Variants in MAEL observed in about 807,000 individuals in gnomAD.
MAEL encodes protein maelstrom homolog.
MAEL carries 46 observed loss-of-function variants against 62.0 expected under a neutral mutation model. The observed-to-expected ratio is 0.74, with a 90% CI of 0.59 to 0.95. MAEL has a LOEUF of 0.95. Ranked by LOEUF, MAEL falls within the 40% of genes least tolerant of loss-of-function variation. MAEL has a pLI of 0.00. For missense variants in MAEL, 497 were observed against 526.8 expected (o/e 0.94, Z 0.55); for synonymous variants, 172 against 175.5 (o/e 0.98, Z 0.16).
intron 5 of MAEL, among the ~76,000 whole-genome samples, chr1:166,995,351 C>T (rs560512592): frequency 1.6e-3 from 236 of 152,144 alleles, no homozygotes; most frequent in African/African-American, 5.6e-3. Flanking sequence ...AGCAATTCTC[C>T]TGCCTCGCCT....
At chr1:167,013,558 C>T (rs765854322) in intron 8 of MAEL, among the ~76,000 whole-genome samples, 11 of 152,160 alleles carry the variant, frequency 7.2e-5, no homozygotes, top group Non-Finnish European at 1.0e-4. Flanking sequence ...TGTCTTTCTA[C>T]ACAATCTTCT....
chr1:166,992,273 A>T (rs1664212382), intron 3 of MAEL, among the ~76,000 whole-genome samples: 1 of 152,176 alleles, frequency 6.6e-6, no homozygotes, highest in Admixed American at 6.5e-5. Flanking sequence ...AAAAGTGAAA[A>T]AAGAATGAAC....
chr1:167,019,009 A>G (rs969107400), intron 10 of MAEL, among the ~76,000 whole-genome samples: 1 of 152,204 alleles, frequency 6.6e-6, no homozygotes, highest in African/African-American at 2.4e-5. Context: ...ATTTAAAAAT[A>G]AAAACGGAAG....
chr1:166,997,072 C>T (rs576186874), intron 5 of MAEL, among the ~76,000 whole-genome samples: 53 of 152,326 alleles, frequency 3.5e-4, no homozygotes, highest in African/African-American at 7.2e-5. Context: ...ATGATCTGCC[C>T]GCCTCGGTCT....
chr1:167,019,115 C>G (rs1168856423), intron 10 of MAEL, among the ~76,000 whole-genome samples: 1 of 152,250 alleles, frequency 6.6e-6, no homozygotes, highest in South Asian at 2.1e-4. Flanking sequence ...TTTGTGTCCT[C>G]CATGGGACAT....
chr1:166,992,882 GT>G (rs373586813), intron 4 of MAEL, 41 bp downstream of exon 4: 12,471 of 1,182,130 alleles, frequency 0.011, no homozygotes, highest in South Asian at 0.015. Flanking sequence ...AACGTGTATG[GT>G]TTTTTTTTTT....
intron 1 of MAEL, among the ~76,000 whole-genome samples, chr1:166,983,480 C>G (rs1043020502): frequency 1.3e-5 from 2 of 152,096 alleles, no homozygotes; most frequent in African/African-American, 4.8e-5. Flanking sequence ...GCCCAGAACT[C>G]CAGACTTACA....
chr1:166,988,804 T>A (rs1235374995), upstream of MAEL, among the ~76,000 whole-genome samples: 1 of 152,226 alleles, frequency 6.6e-6, no homozygotes, highest in East Asian at 1.9e-4. Flanking sequence ...CTAACACTTA[T>A]TTTTGAATGT....
intron 8 of MAEL, among the ~76,000 whole-genome samples, chr1:167,006,697 G>A (rs1293965806): frequency 6.9e-6 from 1 of 144,430 alleles, no homozygotes; most frequent in African/African-American, 2.6e-5. Context: ...GTGCAGTAGT[G>A]TAATCTCAGC....
At chr1:167,019,058 TTC>T (rs1318113831) in intron 10 of MAEL, among the ~76,000 whole-genome samples, 2 of 152,176 alleles carry the variant, frequency 1.3e-5, no homozygotes, top group Non-Finnish European at 2.9e-5. Context: ...GGCAAGACCC[TTC>T]TCTACCCTCC....
At chr1:166,996,622 C>G (rs1013397170) in intron 5 of MAEL, among the ~76,000 whole-genome samples, 2 of 152,196 alleles carry the variant, frequency 1.3e-5, no homozygotes, top group African/African-American at 2.4e-5. Flanking sequence ...GTCCCTGTAT[C>G]TCTCCCTGAT....
At chr1:167,019,284 G>A (rs1484920299) in intron 10 of MAEL, among the ~76,000 whole-genome samples, 5 of 152,156 alleles carry the variant, frequency 3.3e-5, no homozygotes, top group African/African-American at 7.2e-5. Context: ...TTAGTGCCCA[G>A]GTTGAGAAAC....
At chr1:167,001,039 G>GTA (rs1274052863) in intron 5 of MAEL, among the ~76,000 whole-genome samples, 6 of 152,250 alleles carry the variant, frequency 3.9e-5, no homozygotes, top group African/African-American at 7.2e-5. Flanking sequence ...GGAAACTGTA[G>GTA]TATATATATG....
chr1:166,977,985 A>G (rs1371320781), intron 1 of MAEL, among the ~76,000 whole-genome samples: 1 of 152,172 alleles, frequency 6.6e-6, no homozygotes, highest in Non-Finnish European at 1.5e-5. Context: ...ACTTGGACAT[A>G]TGAGCAAGTT....
At chr1:167,008,184 A>T (rs780358414) in intron 8 of MAEL, among the ~76,000 whole-genome samples, 1 of 152,126 alleles carries the variant, frequency 6.6e-6, no homozygotes, top group African/African-American at 2.4e-5. Flanking sequence ...CCATTGTTCA[A>T]ATCTACTTTT....
chr1:167,001,479 G>GCT (rs1664663695), intron 5 of MAEL, among the ~76,000 whole-genome samples: 2 of 152,130 alleles, frequency 1.3e-5, no homozygotes, highest in South Asian at 4.1e-4. Flanking sequence ...AGACTCAGGT[G>GCT]ATCATTCGTA....
upstream of MAEL, among the ~76,000 whole-genome samples, chr1:166,986,281 G>A (rs558453175): frequency 1.3e-5 from 2 of 152,062 alleles, no homozygotes; most frequent in Non-Finnish European, 2.9e-5. Context: ...AGGTGTACAC[G>A]TAAGTTTAAA....
At chr1:166,993,992 A>G in intron 4 of MAEL, 36 bp from the exon 5 acceptor site, 1 of 1,593,214 alleles carries the variant, frequency 6.3e-7, no homozygotes, top group Non-Finnish European at 8.6e-7. Context: ...AGAACTTTAA[A>G]ATTTTTGCTT....
intron 8 of MAEL, among the ~76,000 whole-genome samples, chr1:167,012,113 A>G (rs1486613935): frequency 1.3e-5 from 2 of 152,236 alleles, no homozygotes; most frequent in African/African-American, 4.8e-5. Context: ...GGATTGTAGT[A>G]TACAATAGAA....
Sources: allele counts gnomAD v4.1 joint callset (sites outside exome capture counted in the v4.1 genomes callset), GRCh38; gene constraint gnomAD v4.1.1; transcripts MANE v1.5; gene names NCBI Gene and HGNC (gene_info 2026-07-23, HGNC 2026-07-21).